HEATR5B: variants seen among roughly 807,000 people sequenced by gnomAD.
HEATR5B encodes the protein HEAT repeat-containing protein 5B.
HEATR5B carries 156 observed loss-of-function variants against 224.1 expected under a neutral mutation model. The ratio of observed to expected loss-of-function variants is 0.70; its 90% CI spans 0.61 to 0.80. The LOEUF (loss-of-function observed/expected upper bound fraction) is 0.80. Ranked by LOEUF, HEATR5B falls within the 30% of genes least tolerant of loss-of-function variation. The pLI, the probability that HEATR5B is intolerant of heterozygous loss-of-function variation, is 0.00. For missense variants in HEATR5B, 2,323 were observed against 2,535.5 expected (o/e 0.92, Z 1.80); for synonymous variants, 1,027 against 893.0 (o/e 1.15, Z -2.68).
At chr2:37,058,618 T>C (rs563593638) in intron 13 of HEATR5B, 58 bp from the exon 14 acceptor site, 5 of 1,208,688 alleles carry the variant, frequency 4.1e-6, no homozygotes, top group Non-Finnish European at 6.1e-6. Context: ...TACTTATAAA[T>C]TTTTTTAGCA....
intron 34 of HEATR5B, among the ~76,000 whole-genome samples, chr2:36,989,142 G>C (rs1194794605): frequency 6.6e-6 from 1 of 152,158 alleles, no homozygotes; most frequent in Non-Finnish European, 1.5e-5. Context: ...CTAGAGTGCA[G>C]TGGCACCATT....
intron 14 of HEATR5B, among the ~76,000 whole-genome samples, chr2:37,058,069 G>A (rs1377930037): frequency 6.6e-6 from 1 of 152,084 alleles, no homozygotes; most frequent in Non-Finnish European, 1.5e-5. Flanking sequence ...TATATAGGAA[G>A]CATTTCAGTG....
intron 35 of HEATR5B, among the ~76,000 whole-genome samples, chr2:36,983,244 T>C (rs780547265): frequency 1.3e-5 from 2 of 152,086 alleles, no homozygotes; most frequent in Admixed American, 6.6e-5. Flanking sequence ...AATAGTATTA[T>C]AGGGGTAGGC....
intron 28 of HEATR5B, among the ~76,000 whole-genome samples, chr2:37,007,716 A>G (rs988318553): frequency 6.6e-6 from 1 of 152,214 alleles, no homozygotes; most frequent in African/African-American, 2.4e-5. Flanking sequence ...AAATCTAGCC[A>G]AAGGGCTTCT....
At chr2:37,005,418 G>C (rs1430275207) in intron 30 of HEATR5B, among the ~76,000 whole-genome samples, 3 of 152,138 alleles carry the variant, frequency 2.0e-5, no homozygotes, top group Admixed American at 6.6e-5. Flanking sequence ...TTCAGGCACA[G>C]TGAAACTGCT....
Position 37,075,570 on chromosome 2 carries a change from G to A in HEATR5B, c.512C>T (p.Ala171Val), listed in dbSNP as rs761154894. 6.2e-7 allele frequency: 1 copy of A among 1,612,672 alleles called. No homozygotes were observed. Among genetic ancestry groups the A allele is most frequent in the Non-Finnish European group, 8.5e-7 (1 of 1,178,694 alleles). The part of the protein sequence containing the change: ...QKVLSGLGGA[A>V]ASSHRDIYKN... The stretch of plus-strand genomic sequence containing the variant: ...GTAAATATCACGATGGGAGGAAGCT[G>A]CTGCACCACCCAGTCCACTTAGAAC... The change falls in exon 5 of 36, where the codon GCA (alanine) becomes GTA (valine). Residue 171 changes from alanine (A) to valine (V), a missense_variant. Transcript: ENST00000233099.
intron 21 of HEATR5B, among the ~76,000 whole-genome samples, chr2:37,035,757 C>G (rs200390042): frequency 5.9e-5 from 9 of 152,282 alleles, no homozygotes; most frequent in African/African-American, 1.7e-4. Flanking sequence ...TCTACTCCTA[C>G]GTCTCTGTTT....
chr2:37,067,182 CT>C (rs1300077075), intron 8 of HEATR5B, among the ~76,000 whole-genome samples: 1 of 152,000 alleles, frequency 6.6e-6, no homozygotes, highest in Non-Finnish European at 1.5e-5. Flanking sequence ...CCAAATAACT[CT>C]TGTTTTTAGG....
intron 22 of HEATR5B, among the ~76,000 whole-genome samples, chr2:37,029,918 A>T (rs1033804962): frequency 8.2e-5 from 12 of 146,402 alleles, no homozygotes; most frequent in Non-Finnish European, 1.2e-4. Flanking sequence ...CAGCTGGGTG[A>T]TAGAGACTCT....
At position 37,027,947 on chromosome 2, in the gene HEATR5B, A is replaced by C. The variant is rs1668883959; in HGVS notation, c.3829T>G (p.Ser1277Ala). 1.9e-6 allele frequency: 3 copies of C among 1,614,126 alleles called. No individual in the cohort carries two copies. Among genetic ancestry groups the C allele is most frequent in the African/African-American group, 1.3e-5 (1 of 75,068 alleles). Residue 1277 changes from serine to alanine, a missense_variant, in exon 24 of 36, where the codon TCT (serine) becomes GCT (alanine). Physicochemically the swap from Ser to Ala is moderately conservative, Grantham distance 99 (BLOSUM62 1). Coordinates refer to ENST00000233099, the MANE Select transcript of HEATR5B (RefSeq NM_019024.3). The part of the protein sequence containing the change: ...QAHFDLALAR[S>A]AKLRNPTNDL... ...CTTGTAGGGTTTCGAAGTTTAGCAG[A>C]ACGTGCCAAGGCAAGATCAAAGTGA...
intron 33 of HEATR5B, among the ~76,000 whole-genome samples, chr2:36,995,088 T>TTTTTTTTTTTTTG (rs1553415177): frequency 1.5e-5 from 1 of 68,878 alleles, no homozygotes; most frequent in African/African-American, 1.0e-4. Flanking sequence ...TTATTCCTTG[T>TTTTTTTTTTTTTG]TTTTTTTTTT....
intron 6 of HEATR5B, 127 bp from the exon 7 acceptor site, chr2:37,070,514 T>C: frequency 1.4e-6 from 1 of 733,260 alleles, no homozygotes; most frequent in Non-Finnish European, 2.1e-6. Context: ...CTTATAATTG[T>C]TTTCTTAAAA....
chr2:36,981,794 C>A lies in HEATR5B; in HGVS notation c.5912G>T (p.Arg1971Ile). 6.3e-7 allele frequency: 1 copy of A among 1,587,824 alleles called. No individual in the cohort carries two copies. Among genetic ancestry groups the A allele is most frequent in the Non-Finnish European group, 8.6e-7 (1 of 1,167,676 alleles). ...AACTAAAAGAGCAAGTAGCTGGACT[C>A]CTGTAAATAATAAAGTATGAAAAAA... is the stretch of plus-strand genomic sequence containing the variant. Reference protein sequence around the residue: ...TLVALGEEQNRVQLLALLVPT... With the variant: ...TLVALGEEQNIVQLLALLVPT... The change falls in exon 36 of 36, where the codon AGA (arginine) becomes ATA (isoleucine). Residue 1971 changes from arginine to isoleucine, a missense_variant and splice_region_variant. Physicochemically the swap from Arg to Ile is moderately conservative, Grantham distance 97 (BLOSUM62 -3). This residue lies in a region of HEATR5B where 844 missense variants were observed against 812.9 expected (regional missense o/e 1.04). Coordinates refer to ENST00000233099, the MANE Select transcript of HEATR5B (RefSeq NM_019024.3).
intron 17 of HEATR5B, among the ~76,000 whole-genome samples, chr2:37,052,750 TG>T (rs1297591460): frequency 2.0e-5 from 3 of 152,180 alleles, no homozygotes; most frequent in Non-Finnish European, 1.5e-5. Context: ...CTGAGACAGA[TG>T]GTGACCAAGT....
intron 33 of HEATR5B, among the ~76,000 whole-genome samples, chr2:36,994,662 A>T (rs933093232): frequency 6.6e-6 from 1 of 152,208 alleles, no homozygotes; most frequent in Non-Finnish European, 1.5e-5. Flanking sequence ...GCTTGATAAC[A>T]TATCAAAACT....
intron 27 of HEATR5B, among the ~76,000 whole-genome samples, chr2:37,009,256 CAAA>C (rs57022846): frequency 5.6e-4 from 37 of 65,664 alleles, no homozygotes; most frequent in Admixed American, 1.1e-3. Context: ...GACTCTGTCT[CAAA>C]AAAAAAAAAA....
At chr2:37,025,156 C>T (rs1572833349) in intron 24 of HEATR5B, among the ~76,000 whole-genome samples, 1 of 151,924 alleles carries the variant, frequency 6.6e-6, no homozygotes, top group South Asian at 2.1e-4. Flanking sequence ...GAATGGCAGG[C>T]GGTGATGTTA....
At chr2:37,040,966 A>T (rs1318365447) in intron 19 of HEATR5B, 167 bp downstream of exon 19, 1 of 575,678 alleles carries the variant, frequency 1.7e-6, no homozygotes, top group Admixed American at 3.0e-5. Context: ...AATAAGACAG[A>T]CTTTAAGACT....
At chr2:37,047,698 G>A (rs893403966) in intron 18 of HEATR5B, among the ~76,000 whole-genome samples, 1 of 152,168 alleles carries the variant, frequency 6.6e-6, no homozygotes, top group African/African-American at 2.4e-5. Context: ...TTAATGCTAA[G>A]TTAGTATAAG....
Sources: allele counts gnomAD v4.1 joint callset (sites outside exome capture counted in the v4.1 genomes callset), GRCh38; gene constraint gnomAD v4.1.1; regional missense constraint gnomAD v4.1.1; transcripts MANE v1.5; gene names NCBI Gene and HGNC (gene_info 2026-07-23, HGNC 2026-07-21).